CDH18: variants seen among roughly 807,000 people sequenced by gnomAD.
CDH18 encodes the protein cadherin-18.
CDH18 carries 31 observed loss-of-function variants against 67.9 expected under a neutral mutation model. The ratio of observed to expected loss-of-function variants is 0.46; its 90% CI spans 0.34 to 0.62. CDH18 has a LOEUF of 0.62. Ranked by LOEUF, CDH18 falls within the 20% of genes least tolerant of loss-of-function variation. The pLI is 0.01. For missense variants in CDH18, 890 were observed against 975.5 expected, an observed-to-expected ratio of 0.91 and a Z score of 1.17; for synonymous variants, 362 against 347.2, an observed-to-expected ratio of 1.04 and a Z score of -0.48.
intron 1 of CDH18, among the ~76,000 whole-genome samples, chr5:20,494,163 C>T (rs572016471): frequency 4.0e-4 from 61 of 152,116 alleles, no homozygotes; most frequent in African/African-American, 1.3e-3. Context: ...ACTCAAACAA[C>T]GTAGTTTTCT....
intron 8 of CDH18, among the ~76,000 whole-genome samples, chr5:19,553,236 A>G (rs1737781377): frequency 6.6e-6 from 1 of 152,134 alleles, no homozygotes; most frequent in Non-Finnish European, 1.5e-5. Context: ...CATTTCAATA[A>G]CAGCTCTTCA....
intron 1 of CDH18, among the ~76,000 whole-genome samples, chr5:20,551,657 A>G (rs1561122850): frequency 6.6e-6 from 1 of 152,212 alleles, no homozygotes; most frequent in Non-Finnish European, 1.5e-5. Context: ...TTATTACATT[A>G]TAAGACTAGT....
At chr5:19,972,719 T>A (rs985810671) in intron 2 of CDH18, among the ~76,000 whole-genome samples, 7 of 151,982 alleles carry the variant, frequency 4.6e-5, no homozygotes, top group African/African-American at 1.7e-4. Flanking sequence ...TTTGTCTTTA[T>A]CTATTAAAGC....
chr5:19,812,203 G>C (rs1778807285), intron 3 of CDH18, among the ~76,000 whole-genome samples: 1 of 152,014 alleles, frequency 6.6e-6, no homozygotes, highest in Non-Finnish European at 1.5e-5. Context: ...AATAAATAGA[G>C]TACAGTCATA....
chr5:19,957,790 C>G (rs1796396746), intron 2 of CDH18, among the ~76,000 whole-genome samples: 1 of 151,708 alleles, frequency 6.6e-6, no homozygotes, highest in Non-Finnish European at 1.5e-5. Context: ...AGATGATGTA[C>G]AATAGAAGAC....
intron 2 of CDH18, among the ~76,000 whole-genome samples, chr5:19,932,949 A>C (rs1793862689): frequency 6.6e-6 from 1 of 151,656 alleles, no homozygotes; most frequent in African/African-American, 2.4e-5. Context: ...GTTTCTTATT[A>C]AATATATGGC....
intron 5 of CDH18, among the ~76,000 whole-genome samples, chr5:19,617,567 T>C (rs774462473): frequency 1.4e-4 from 21 of 152,204 alleles, no homozygotes; most frequent in Non-Finnish European, 2.5e-4. Context: ...CCTAGGTAAA[T>C]GGTTACGGCA....
chr5:20,141,632 T>C (rs1373451885), intron 2 of CDH18, among the ~76,000 whole-genome samples: 5 of 152,146 alleles, frequency 3.3e-5, no homozygotes, highest in African/African-American at 9.7e-5. Flanking sequence ...TTTTGAATTA[T>C]TGGAACCAAA....
chr5:19,779,772 C>A (rs931732389), intron 3 of CDH18, among the ~76,000 whole-genome samples: 3 of 152,108 alleles, frequency 2.0e-5, no homozygotes, highest in African/African-American at 7.2e-5. Flanking sequence ...GATGTTATTA[C>A]TAAAATGTTC....
At chr5:20,085,701 T>C (rs1426573740) in intron 2 of CDH18, among the ~76,000 whole-genome samples, 5 of 152,246 alleles carry the variant, frequency 3.3e-5, no homozygotes, top group Middle Eastern at 3.4e-3. Context: ...CTTACACAGA[T>C]GCCAGCAGGC....
chr5:19,873,786 T>C (rs1056356812), intron 2 of CDH18, among the ~76,000 whole-genome samples: 1 of 152,108 alleles, frequency 6.6e-6, no homozygotes, highest in Non-Finnish European at 1.5e-5. Context: ...TAGCTGGGAC[T>C]ACAGGAATAT....
intron 2 of CDH18, among the ~76,000 whole-genome samples, chr5:20,041,382 A>G (rs886715545): frequency 2.0e-5 from 3 of 152,184 alleles, no homozygotes; most frequent in African/African-American, 7.2e-5. Context: ...TCAGACCTAG[A>G]GTTTAGGACA....
rs534290958 is a variant in CDH18, at chr5:19,783,548, T to C, written c.229-36312A>G. ...TGATTGCTGTTATATTCTAAACTTA[T>C]TTCAACCAGGAATTCCTGGATGATA... On this transcript the variant is annotated intron_variant, in intron 3 of 12. Transcript: ENST00000382275. Among the ~76,000 whole-genome samples, 8 of 152,296 alleles carry C rather than the reference T, an allele frequency of 5.3e-5. No individual in the cohort carries two copies. The South Asian group carries it at 1.4e-3, about 28-fold the overall frequency.
chr5:19,547,691 C>A (rs966380752), intron 8 of CDH18, among the ~76,000 whole-genome samples: 4 of 152,194 alleles, frequency 2.6e-5, no homozygotes, highest in African/African-American at 9.6e-5. Flanking sequence ...AAATGGTAAG[C>A]ATACTGCTAG....
At chr5:20,112,636 C>T (rs906581213) in intron 2 of CDH18, among the ~76,000 whole-genome samples, 2 of 152,134 alleles carry the variant, frequency 1.3e-5, no homozygotes, top group Non-Finnish European at 2.9e-5. Flanking sequence ...ATTGCTTGAA[C>T]CCTGCAGGCA....
chr5:20,163,273 A>G (rs1250047500), intron 2 of CDH18, among the ~76,000 whole-genome samples: 1 of 152,124 alleles, frequency 6.6e-6, no homozygotes, highest in African/African-American at 2.4e-5. Flanking sequence ...AAACTTAACA[A>G]TATAAAATTA....
intron 5 of CDH18, among the ~76,000 whole-genome samples, chr5:19,619,743 C>T (rs1750401003): frequency 2.0e-5 from 3 of 152,162 alleles, no homozygotes; most frequent in African/African-American, 7.2e-5. Context: ...CCAAACTTCC[C>T]TATTTGTCAG....
chr5:19,687,614 A>G (rs565897662), intron 5 of CDH18, among the ~76,000 whole-genome samples: 2 of 152,200 alleles, frequency 1.3e-5, no homozygotes, highest in East Asian at 3.9e-4. Context: ...GCCTACCTCC[A>G]CCAGCAGTGG....
chr5:19,918,475 A>G (rs1167280469), intron 2 of CDH18, among the ~76,000 whole-genome samples: 1 of 152,178 alleles, frequency 6.6e-6, no homozygotes, highest in Non-Finnish European at 1.5e-5. Flanking sequence ...CAAATGAATA[A>G]ACATAATTCA....
Sources: gnomAD v4.1 joint callset for allele counts (sites outside exome capture counted in the v4.1 genomes callset) on GRCh38, gnomAD v4.1.1 for gene constraint, MANE v1.5 for transcripts, NCBI Gene and HGNC (gene_info 2026-07-23, HGNC 2026-07-21) for gene names.